Variants in HACD3 observed in about 807,000 individuals in gnomAD.
HACD3 encodes the protein very-long-chain (3R)-3-hydroxyacyl-CoA dehydratase 3.
In HACD3, 30 loss-of-function variants were observed where a neutral mutation model predicts 55.2. The ratio of observed to expected loss-of-function variants is 0.54; its 90% CI spans 0.41 to 0.74. HACD3 has a LOEUF of 0.74. Among genes scored for constraint, HACD3 ranks in the 30% least tolerant of loss-of-function variants. The pLI is 0.00. For synonymous variants in HACD3, 141 were observed against 151.7 expected (o/e 0.93, Z 0.52); for missense variants, 363 against 440.1 (o/e 0.82, Z 1.57).
chr15:65,567,420 T>C lies in HACD3; in HGVS notation c.661-2671T>C, dbSNP rs530587508. ...AACTGTTTTGAGATACAGGAAGGAATAGAGAGCACAAAAAGTAAATATACA... is the reference window on the plus strand; with the variant it reads ...AACTGTTTTGAGATACAGGAAGGAACAGAGAGCACAAAAAGTAAATATACA... On this transcript the variant is annotated intron_variant, in intron 7 of 10. Coordinates refer to ENST00000261875, the MANE Select transcript of HACD3 (RefSeq NM_016395.4). 6.6e-5 allele frequency among the ~76,000 whole-genome samples: 10 copies of C among 152,296 alleles called. No homozygotes were observed. In the South Asian group the frequency reaches 2.1e-3, roughly 32 times the overall value.
At chr15:65,576,235 G>A in intron 10 of HACD3, 68 bp from the exon 11 acceptor site, 1 of 1,535,330 alleles carries the variant, frequency 6.5e-7, no homozygotes, top group Non-Finnish European at 8.7e-7. Context: ...TACTGTCCCT[G>A]CCACAAGAGC....
intron 10 of HACD3, among the ~76,000 whole-genome samples, chr15:65,572,906 C>CT (rs1426237880): frequency 7.9e-6 from 1 of 126,624 alleles, no homozygotes; most frequent in Non-Finnish European, 1.6e-5. Context: ...CAGAGCGGGA[C>CT]TTTGTCTCAA....
chr15:65,550,898 A>T (rs997463284), intron 1 of HACD3: 3 of 152,220 alleles, frequency 2.0e-5, no homozygotes, highest in Admixed American at 1.3e-4. Context: ...CACTGGAAAA[A>T]GTGTTAAGTA....
At chr15:65,572,163 A>G in intron 9 of HACD3, 72 bp from the exon 10 acceptor site, 1 of 1,577,910 alleles carries the variant, frequency 6.3e-7, no homozygotes, top group Non-Finnish European at 8.6e-7. Context: ...TTAGAGTACT[A>G]GGACTGGAAG....
chr15:65,533,128 C>T (rs918306719), intron 1 of HACD3, among the ~76,000 whole-genome samples: 1 of 152,158 alleles, frequency 6.6e-6, no homozygotes, highest in Non-Finnish European at 1.5e-5. Context: ...CTGACTTAAG[C>T]CGTGTCAATG....
chr15:65,549,446 A>G (rs2072110496), intron 1 of HACD3, among the ~76,000 whole-genome samples: 1 of 137,406 alleles, frequency 7.3e-6, no homozygotes, highest in African/African-American at 2.8e-5. Flanking sequence ...AAAAAAAAAA[A>G]AAAATTAGCT....
chr15:65,542,378 C>T lies in HACD3; in HGVS notation c.88-9298C>T, dbSNP rs115771846. ...TCTCAGGCCCAAGTGAACCTCCTAC[C>T]TCAGTCTCCCAAGTAGCTAGGACTA... On this transcript the variant is annotated intron_variant, in intron 1 of 10. Transcript: ENST00000261875. Among the ~76,000 whole-genome samples, 390 of 152,128 alleles carry T rather than the reference C, an allele frequency of 2.6e-3. 1 individual carries two copies. Among genetic ancestry groups the T allele is most frequent in the African/African-American group, 9.1e-3 (376 of 41,530 alleles).
At chr15:65,537,661 C>T (rs1371353043) in intron 1 of HACD3, among the ~76,000 whole-genome samples, 12 of 150,702 alleles carry the variant, frequency 8.0e-5, no homozygotes, top group Admixed American at 2.7e-4. Flanking sequence ...GGCATGGTGG[C>T]GGGCGCCTTT....
Position 65,556,728 on chromosome 15 carries a change from T to G in HACD3, c.205-11T>G. On this transcript the variant is annotated splice_polypyrimidine_tract_variant and intron_variant, in intron 3 of 10. Coordinates refer to ENST00000261875, the MANE Select transcript of HACD3 (RefSeq NM_016395.4). Reference sequence around the variant, plus strand: ...AAGAGGGCATTCTCACATTTTCACTTTCTCTCCTAGCCTGTTTACAAACTG... The same window carrying G: ...AAGAGGGCATTCTCACATTTTCACTGTCTCTCCTAGCCTGTTTACAAACTG... 1 of 1,586,856 alleles carries G rather than the reference T, an allele frequency of 6.3e-7. No individual in the cohort carries two copies. The highest frequency in any genetic ancestry group is 8.6e-7 in the Non-Finnish European group (1 of 1,159,968).
At chr15:65,531,207 T>A (rs1052270747) in intron 1 of HACD3, 2 of 1,956 alleles carry the variant, frequency 1.0e-3, no homozygotes, top group Admixed American at 0.01. Context: ...CTGCCGGAGG[T>A]GGGGGAGGGG....
chr15:65,530,624 G>T lies in HACD3; in HGVS notation c.-8G>T, dbSNP rs2071886887. ...GCCTAGCCTCCCCGCGCCCTGGGCAGTGTGGCCATGGAGAATCAGGTGTTG... is the reference window on the plus strand; with the variant it reads ...GCCTAGCCTCCCCGCGCCCTGGGCATTGTGGCCATGGAGAATCAGGTGTTG... On this transcript the variant is annotated 5_prime_UTR_variant, in exon 1 of 11. Transcript: ENST00000261875. 6.4e-7 allele frequency: 1 copy of T among 1,571,056 alleles called. No individual in the cohort carries two copies. Among genetic ancestry groups the T allele is most frequent in the Non-Finnish European group, 8.6e-7 (1 of 1,159,354 alleles).
intron 5 of HACD3, among the ~76,000 whole-genome samples, 197 bp from the exon 6 acceptor site, chr15:65,562,577 G>A (rs2072253972): frequency 6.6e-6 from 1 of 152,008 alleles, no homozygotes; most frequent in Non-Finnish European, 1.5e-5. Flanking sequence ...AATACATGCT[G>A]GAGAGCAATG....
chr15:65,565,900 T>A (rs1488330636), intron 7 of HACD3: 1 of 152,404 alleles, frequency 6.6e-6, no homozygotes, highest in African/African-American at 2.4e-5. Context: ...AACGGAATGC[T>A]TTTAACAGCA....
intron 7 of HACD3, chr15:65,566,273 C>T (rs1350588489): frequency 6.1e-6 from 1 of 164,532 alleles, no homozygotes; most frequent in Non-Finnish European, 1.3e-5. Context: ...AAGGTCACTT[C>T]CACATTTTCG....
chr15:65,557,856 C>T (rs1455427378), intron 4 of HACD3, among the ~76,000 whole-genome samples: 1 of 151,560 alleles, frequency 6.6e-6, no homozygotes, highest in East Asian at 1.9e-4. Context: ...TTGGCACTAA[C>T]TGGCCTTTGG....
At position 65,576,638 on chromosome 15, in the gene HACD3, A is replaced by C. The variant is rs1301330249; in HGVS notation, c.*259A>C. On this transcript the variant is annotated 3_prime_UTR_variant, in exon 11 of 11. Transcript: ENST00000261875. ...ACACCAAAAGGCTCAGCCCACCCCA[A>C]CCCTATCTCATGTTCAGTCTGTCTA... The C allele has an allele frequency of 2.0e-6, 1 of 488,544 alleles. No individual in the cohort carries two copies. Among genetic ancestry groups the C allele is most frequent in the East Asian group, 3.7e-5 (1 of 27,350 alleles). The allele number at this position is 488,544 out of a possible 1,614,324, so 30.3% of individuals were successfully genotyped here. A position where few individuals can be genotyped will look rare whatever the true frequency, so the allele number is the denominator to read the frequency against.
At chr15:65,555,323 A>C (rs752928103) in intron 3 of HACD3, among the ~76,000 whole-genome samples, 3 of 152,238 alleles carry the variant, frequency 2.0e-5, no homozygotes, top group Non-Finnish European at 4.4e-5. Flanking sequence ...GAACAGAGTT[A>C]CATAGAGTGG....
intron 8 of HACD3, 131 bp from the exon 9 acceptor site, chr15:65,571,413 TAGCC>T (rs1351891104): frequency 1.6e-6 from 1 of 633,618 alleles, no homozygotes; most frequent in African/African-American, 1.8e-5. Flanking sequence ...TATGGGTTGA[TAGCC>T]AGCGTTATAA....
intron 3 of HACD3, among the ~76,000 whole-genome samples, chr15:65,556,330 T>C (rs1005547432): frequency 6.6e-6 from 1 of 152,152 alleles, no homozygotes; most frequent in Non-Finnish European, 1.5e-5. Flanking sequence ...CATCAGGCAT[T>C]ATAGTCTCAT....
Sources: allele counts gnomAD v4.1 joint callset (sites outside exome capture counted in the v4.1 genomes callset), GRCh38; gene constraint gnomAD v4.1.1; transcripts MANE v1.5; gene names NCBI Gene and HGNC (gene_info 2026-07-23, HGNC 2026-07-21).